The following GALNT13 variants were observed in gnomAD, a reference collection of about 807,000 sequenced individuals.
The protein encoded by GALNT13 is polypeptide N-acetylgalactosaminyltransferase 13, also known as UDP-GalNAc:polypeptide N-acetylgalactosaminyltransferase 13.
GALNT13 carries 28 observed loss-of-function variants against 64.2 expected under a neutral mutation model. That is an observed-to-expected ratio of 0.44 (90% CI 0.32 to 0.60). GALNT13 has a LOEUF of 0.60. Among genes scored for constraint, GALNT13 ranks in the 20% least tolerant of loss-of-function variants. The pLI is 0.05. For synonymous variants in GALNT13, 214 were observed against 224.6 expected (o/e 0.95, Z 0.42); for missense variants, 577 against 669.8 (o/e 0.86, Z 1.53).
At chr2:153,167,845 A>C in the GALNT13 span, among the ~76,000 whole-genome samples, 6 of 152,160 alleles carry the variant, frequency 3.9e-5, no homozygotes. Context: ...CAAGGTTAGG[A>C]TGGTGTCCAG....
chr2:153,374,020 A>G, the GALNT13 span, among the ~76,000 whole-genome samples: 2 of 152,214 alleles, frequency 1.3e-5, no homozygotes, highest in Non-Finnish European at 2.9e-5. Flanking sequence ...CCATCGATGT[A>G]TACTTGGCTT....
At chr2:153,947,842 T>G (rs1046452034) in intron 3 of GALNT13, among the ~76,000 whole-genome samples, 2 of 152,132 alleles carry the variant, frequency 1.3e-5, no homozygotes, top group Non-Finnish European at 2.9e-5. Flanking sequence ...TTAATCCATC[T>G]TGAGTTAATT....
the GALNT13 span, among the ~76,000 whole-genome samples, chr2:153,714,051 A>T: frequency 2.0e-5 from 3 of 152,186 alleles, no homozygotes; most frequent in Admixed American, 1.3e-4. Context: ...AGGGCATTAG[A>T]TGATACCAGT....
intron 3 of GALNT13, among the ~76,000 whole-genome samples, chr2:154,061,322 G>A (rs1338122084): frequency 1.3e-5 from 2 of 152,158 alleles, no homozygotes; most frequent in African/African-American, 2.4e-5. Flanking sequence ...CAAGTCTAGT[G>A]TGGGGATGGT....
At chr2:154,261,535 G>A (rs566182784) in intron 8 of GALNT13, among the ~76,000 whole-genome samples, 2 of 152,234 alleles carry the variant, frequency 1.3e-5, no homozygotes, top group South Asian at 4.1e-4. Flanking sequence ...TTAATTTCAT[G>A]ACTTGATGAA....
chr2:153,770,153 A>G, the GALNT13 span, among the ~76,000 whole-genome samples: 1 of 149,240 alleles, frequency 6.7e-6, no homozygotes, highest in Admixed American at 6.7e-5. Flanking sequence ...TCCTATTTTT[A>G]GAGTTCCCAC....
intron 4 of GALNT13, among the ~76,000 whole-genome samples, chr2:154,224,219 A>G (rs1197115888): frequency 6.6e-6 from 1 of 152,088 alleles, no homozygotes; most frequent in Non-Finnish European, 1.5e-5. Flanking sequence ...AGCTATGATA[A>G]ATCTTCACAT....
At chr2:153,136,300 A>C in the GALNT13 span, among the ~76,000 whole-genome samples, 1 of 152,098 alleles carries the variant, frequency 6.6e-6, no homozygotes. Flanking sequence ...GAGGTGCAAA[A>C]GGGCTTATTT....
At chr2:154,003,835 G>A (rs1696072944) in intron 3 of GALNT13, among the ~76,000 whole-genome samples, 2 of 152,170 alleles carry the variant, frequency 1.3e-5, no homozygotes, top group Admixed American at 6.5e-5. Flanking sequence ...TCCTCCTTCT[G>A]TGACCATGTA....
intron 9 of GALNT13, among the ~76,000 whole-genome samples, chr2:154,333,062 T>G (rs1695252094): frequency 6.6e-6 from 1 of 152,062 alleles, no homozygotes; most frequent in African/African-American, 2.4e-5. Context: ...TCACATGGCT[T>G]TAGAATGACC....
chr2:153,572,624 G>A, the GALNT13 span, among the ~76,000 whole-genome samples: 2 of 151,602 alleles, frequency 1.3e-5, no homozygotes, highest in African/African-American at 2.4e-5. Context: ...TATCCCATAG[G>A]TTTTGGTATG....
At chr2:153,147,115 C>A in the GALNT13 span, among the ~76,000 whole-genome samples, 2 of 151,466 alleles carry the variant, frequency 1.3e-5, no homozygotes, top group South Asian at 4.2e-4. Flanking sequence ...TTTCCCAGCA[C>A]GTGCAGCTAA....
At chr2:153,196,887 C>T in the GALNT13 span, among the ~76,000 whole-genome samples, 1 of 152,194 alleles carries the variant, frequency 6.6e-6, no homozygotes, top group Non-Finnish European at 1.5e-5. Flanking sequence ...CCTGCTCCTG[C>T]TGCCACTGCT....
chr2:153,784,812 C>T, the GALNT13 span, among the ~76,000 whole-genome samples: 1 of 152,216 alleles, frequency 6.6e-6, no homozygotes. Context: ...GACTACATTA[C>T]AGCTCCCTGA....
At chr2:153,729,017 GC>G in the GALNT13 span, among the ~76,000 whole-genome samples, 2 of 152,044 alleles carry the variant, frequency 1.3e-5, no homozygotes, top group Non-Finnish European at 2.9e-5. Context: ...ACCAAAAAAA[GC>G]CCAGGACCAG....
intron 9 of GALNT13, among the ~76,000 whole-genome samples, chr2:154,313,555 A>G (rs2105137671): frequency 6.6e-6 from 1 of 151,806 alleles, no homozygotes; most frequent in East Asian, 2.0e-4. Context: ...CCCGGGTTCA[A>G]GCGATTCTCC....
chr2:153,418,627 C>A, the GALNT13 span, among the ~76,000 whole-genome samples: 2 of 152,104 alleles, frequency 1.3e-5, no homozygotes, highest in African/African-American at 4.8e-5. Flanking sequence ...ACATGGAGGT[C>A]ACGGATGACC....
At chr2:154,017,486 C>T (rs1697087678) in intron 3 of GALNT13, among the ~76,000 whole-genome samples, 1 of 152,002 alleles carries the variant, frequency 6.6e-6, no homozygotes, top group African/African-American at 2.4e-5. Flanking sequence ...ATAAGTACAC[C>T]ACTTTAGTAC....
the GALNT13 span, among the ~76,000 whole-genome samples, chr2:153,627,345 G>A: frequency 6.6e-6 from 1 of 152,008 alleles, no homozygotes; most frequent in African/African-American, 2.4e-5. Context: ...CCTTGCATGT[G>A]AAAACATCCT....
Sources: allele counts gnomAD v4.1 joint callset (sites outside exome capture counted in the v4.1 genomes callset), GRCh38; gene constraint gnomAD v4.1.1; transcripts MANE v1.5; gene names NCBI Gene and HGNC (gene_info 2026-07-23, HGNC 2026-07-21).